Variants in ELF1 observed in about 807,000 individuals in gnomAD.
ELF1 encodes E74 like ETS transcription factor 1.
A neutral mutation model predicts 59.9 loss-of-function variants in ELF1; 24 were observed. That is an observed-to-expected ratio of 0.40 (90% CI 0.29 to 0.56). ELF1 has a LOEUF of 0.56. ELF1 is among the 20% of genes least tolerant of loss of function. The probability of loss-of-function intolerance (pLI) is 0.44; values close to 1 mark genes in which losing one functional copy is unlikely to be tolerated. For missense variants in ELF1, 627 were observed against 742.2 expected (o/e 0.84, Z 1.80); for synonymous variants, 248 against 266.2 (o/e 0.93, Z 0.67).
chr13:40,991,798 T>C (rs957014934), intron 1 of ELF1, among the ~76,000 whole-genome samples: 4 of 152,190 alleles, frequency 2.6e-5, no homozygotes, highest in African/African-American at 9.7e-5. Context: ...ACTTCTCTTA[T>C]TTAAACTTTA....
At chr13:41,046,624 C>G (rs758995591) in intron 1 of ELF1, among the ~76,000 whole-genome samples, 4 of 152,246 alleles carry the variant, frequency 2.6e-5, no homozygotes, top group Non-Finnish European at 5.9e-5. Context: ...CCACTCTCTT[C>G]TGGCTTGTAG....
chr13:41,027,006 C>T (rs542173363), intron 1 of ELF1, among the ~76,000 whole-genome samples: 7 of 152,280 alleles, frequency 4.6e-5, no homozygotes, highest in African/African-American at 1.7e-4. Flanking sequence ...GTGCTACAGC[C>T]CTTTTTCTGG....
chr13:41,050,367 T>C (rs984003106), intron 1 of ELF1, among the ~76,000 whole-genome samples: 4 of 152,250 alleles, frequency 2.6e-5, no homozygotes, highest in Non-Finnish European at 5.9e-5. Flanking sequence ...CACATTTCAC[T>C]GTATGTACAC....
chr13:40,961,351 T>C (rs1020253234), intron 2 of ELF1, among the ~76,000 whole-genome samples: 1 of 152,112 alleles, frequency 6.6e-6, no homozygotes, highest in African/African-American at 2.4e-5. Flanking sequence ...GCTCTTCAAA[T>C]AGTAAAACAA....
chr13:41,053,974 A>G (rs930989144), intron 1 of ELF1, among the ~76,000 whole-genome samples: 26 of 152,342 alleles, frequency 1.7e-4, no homozygotes, highest in African/African-American at 6.3e-4. Context: ...CACTTAGCCA[A>G]AAAAGGGTGT....
At chr13:40,956,669 G>A (rs981402309) in intron 3 of ELF1, among the ~76,000 whole-genome samples, 3 of 149,852 alleles carry the variant, frequency 2.0e-5, no homozygotes, top group Non-Finnish European at 3.0e-5. Flanking sequence ...GGTTTACATC[G>A]TCTCTATTAC....
At position 40,933,666 on chromosome 13, in the gene ELF1, CGAG is replaced by C. The variant is rs1343338899; in HGVS notation, c.1616_1618del (p.Pro539del). On this transcript the variant is annotated inframe_deletion, in exon 9 of 9. Transcript: ENST00000239882. The stretch of plus-strand genomic sequence containing the variant: ...TGGGTGAGCAACCAGCTGTGAACTG[CGAG>C]GAGAAAAGGTCACCACAGGTGCAGT... 5.6e-6 allele frequency: 9 copies of C among 1,614,160 alleles called. No homozygotes were observed. The highest frequency in any genetic ancestry group is 7.6e-6 in the Non-Finnish European group (9 of 1,180,038).
At chr13:41,045,216 A>G (rs1566199148) in intron 1 of ELF1, among the ~76,000 whole-genome samples, 1 of 145,312 alleles carries the variant, frequency 6.9e-6, no homozygotes, top group African/African-American at 2.5e-5. Flanking sequence ...TGGTCTATCA[A>G]TTTTGTTGAT....
At chr13:41,022,558 A>G (rs1206109192), upstream of ELF1, among the ~76,000 whole-genome samples, 2 of 152,230 alleles carry the variant, frequency 1.3e-5, no homozygotes, top group East Asian at 3.8e-4. Flanking sequence ...CTGCATATAA[A>G]CCATACCTCA....
At chr13:41,017,328 G>A (rs749985320) in intron 1 of ELF1, among the ~76,000 whole-genome samples, 1 of 152,014 alleles carries the variant, frequency 6.6e-6, no homozygotes, top group Admixed American at 6.6e-5. Flanking sequence ...TCCAGACTGC[G>A]AAGCCCTGCC....
In ELF1 at chr13:41,018,385, G is replaced by A. The variant is rs1054956981; in HGVS notation, c.-229+843C>T. 2.6e-5 allele frequency among the ~76,000 whole-genome samples: 4 copies of A among 152,200 alleles called. No individual in the cohort carries two copies. The South Asian group carries it at 8.3e-4, about 32-fold the overall frequency. ...TTAATTCAAGGCAGGCAAATTTTAAGAACAGTAATACAAAAGGAAGGCCAA... is the reference window on the plus strand; with the variant it reads ...TTAATTCAAGGCAGGCAAATTTTAAAAACAGTAATACAAAAGGAAGGCCAA... On this transcript the variant is annotated intron_variant, in intron 1 of 8. Coordinates refer to ENST00000239882, the MANE Select transcript of ELF1 (RefSeq NM_172373.4).
chr13:41,059,868 A>G (rs995911275), intron 1 of ELF1, among the ~76,000 whole-genome samples: 2 of 152,098 alleles, frequency 1.3e-5, no homozygotes, highest in Non-Finnish European at 2.9e-5. Context: ...CCGTTGTTTT[A>G]ATCAATTTTT....
chr13:40,987,973 A>C (rs1373663380), intron 1 of ELF1, among the ~76,000 whole-genome samples: 1 of 152,256 alleles, frequency 6.6e-6, no homozygotes, highest in Non-Finnish European at 1.5e-5. Context: ...AGAGTAAGAA[A>C]GTGAGAGAAA....
intron 5 of ELF1, among the ~76,000 whole-genome samples, chr13:40,949,250 T>A (rs540017687): frequency 4.6e-5 from 7 of 151,496 alleles, no homozygotes; most frequent in Non-Finnish European, 8.8e-5. Context: ...CCTCCCAAAG[T>A]GCTGGGATTA....
intron 1 of ELF1, among the ~76,000 whole-genome samples, chr13:41,040,742 G>A (rs1376802080): frequency 6.6e-6 from 1 of 152,166 alleles, no homozygotes; most frequent in Non-Finnish European, 1.5e-5. Flanking sequence ...TGTGCCGCCT[G>A]GTTCCTAACA....
At chr13:41,023,677 C>T (rs565146767), upstream of ELF1, among the ~76,000 whole-genome samples, 16 of 152,324 alleles carry the variant, frequency 1.1e-4, no homozygotes, top group East Asian at 3.9e-4. Context: ...CACTTCTGCA[C>T]GGACAGGTAA....
rs942244046 is a variant in ELF1 at position 40,932,241 on chromosome 13, A to C, written c.*1184T>G. 6.6e-6 allele frequency: 1 copy of C among 152,204 alleles called. No homozygotes were observed. Among genetic ancestry groups the C allele is most frequent in the African/African-American group, 2.4e-5 (1 of 41,438 alleles). The allele number at this position is 152,204 out of a possible 1,614,324, so 9.4% of individuals were successfully genotyped here. ...AAGACATTTTTTTCTTGTGACATTA[A>C]ATGTACATTATTTACAGTTGAAAAA... is the stretch of plus-strand genomic sequence containing the variant. On this transcript the variant is annotated 3_prime_UTR_variant, in exon 9 of 9. Transcript: ENST00000239882.
At chr13:40,954,901 G>C (rs1348526921) in intron 3 of ELF1, among the ~76,000 whole-genome samples, 1 of 126,264 alleles carries the variant, frequency 7.9e-6, no homozygotes, top group African/African-American at 2.9e-5. Flanking sequence ...GTCTCTGCCT[G>C]GCGGCCCATC....
intron 1 of ELF1, among the ~76,000 whole-genome samples, chr13:41,058,051 G>A (rs915707784): frequency 6.6e-6 from 1 of 151,824 alleles, no homozygotes; most frequent in Non-Finnish European, 1.5e-5. Flanking sequence ...AAAATGTACG[G>A]ACACAAAATA....
Sources: gnomAD v4.1 joint callset for allele counts (sites outside exome capture counted in the v4.1 genomes callset) on GRCh38, gnomAD v4.1.1 for gene constraint, MANE v1.5 for transcripts, NCBI Gene and HGNC (gene_info 2026-07-23, HGNC 2026-07-21) for gene names.